Variants in GAS2 observed in about 807,000 individuals in gnomAD.
GAS2 encodes the protein growth arrest specific 2.
In GAS2, 20 loss-of-function variants were observed where a neutral mutation model predicts 37.5. The ratio of observed to expected loss-of-function variants is 0.53; its 90% confidence interval spans 0.37 to 0.77. The LOEUF (loss-of-function observed/expected upper bound fraction) is 0.77, where lower values mean the gene tolerates loss of function less well. Ranked by LOEUF, GAS2 falls within the 30% of genes least tolerant of loss-of-function variation. GAS2 has a pLI of 0.00. For missense variants in GAS2, 336 were observed against 373.4 expected (o/e 0.90, Z 0.82); for synonymous variants, 144 against 132.2 (o/e 1.09, Z -0.61).
rs537386909 is a variant in GAS2, at chr11:22,709,830, G to A, written c.268-16462G>A. 2.2e-4 allele frequency among the ~76,000 whole-genome samples: 33 copies of A among 152,066 alleles called. 1 individual carries two copies. The highest frequency in any genetic ancestry group is 5.8e-4 in the East Asian group (3 of 5,174). ...TATACACCATGGAATACTATGCAGC[G>A]GTAAAAAATGATGAGTTCATGTCCT... On this transcript the variant is annotated intron_variant, in intron 3 of 7. Transcript: ENST00000454584.
At chr11:22,726,152 T>C in intron 3 of GAS2, 140 bp from the exon 4 acceptor site, 1 of 747,652 alleles carries the variant, frequency 1.3e-6, no homozygotes, top group Non-Finnish European at 2.1e-6. Flanking sequence ...CATAGCATTA[T>C]ATTTCCTTTC....
intron 3 of GAS2, among the ~76,000 whole-genome samples, chr11:22,698,423 C>T (rs531777251): frequency 2.6e-5 from 4 of 151,992 alleles, no homozygotes; most frequent in East Asian, 3.9e-4. Flanking sequence ...GATTCACAGC[C>T]GAATTCTACC....
At chr11:22,642,752 T>TA (rs974547238) in intron 1 of GAS2, among the ~76,000 whole-genome samples, 5 of 152,090 alleles carry the variant, frequency 3.3e-5, no homozygotes, top group South Asian at 2.1e-4. Context: ...TTCTATCCAC[T>TA]AAAAAAAATG....
chr11:22,715,075 A>T (rs1204000409), intron 3 of GAS2, among the ~76,000 whole-genome samples: 4 of 152,194 alleles, frequency 2.6e-5, no homozygotes, highest in African/African-American at 4.8e-5. Context: ...TGAAACAAAA[A>T]GCTTGTTCTT....
intron 7 of GAS2, among the ~76,000 whole-genome samples, chr11:22,803,087 C>T (rs557036636): frequency 6.6e-6 from 1 of 152,060 alleles, no homozygotes; most frequent in South Asian, 2.1e-4. Context: ...ACGTGTTGCA[C>T]AACCATTCCT....
rs1848840981 is a variant in GAS2 at position 22,655,149 on chromosome 11, C to T, written c.-20-19701C>T. On this transcript the variant is annotated intron_variant, in intron 1 of 5. Transcript: ENST00000528582. Reference sequence around the variant, plus strand: ...TCCTTTTCTGAAGACTGTACATTTTCAGGCCTCTGGGCTAGGGCTCAATCA... The same window carrying T: ...TCCTTTTCTGAAGACTGTACATTTTTAGGCCTCTGGGCTAGGGCTCAATCA... Among the ~76,000 whole-genome samples the T allele has an allele frequency of 2.0e-5, 3 of 152,280 alleles. No individual in the cohort carries two copies. In the South Asian group the frequency reaches 6.2e-4, roughly 32 times the overall value.
intron 1 of GAS2, among the ~76,000 whole-genome samples, chr11:22,653,005 T>TTCTTTCTTTCTTTCTTTC (rs1565067504): frequency 3.5e-5 from 3 of 86,596 alleles, no homozygotes; most frequent in Non-Finnish European, 6.3e-5. Context: ...CTTTCTTTCT[T>TTCTTTCTTTCTTTCTTTC]TCTTTCTTTC....
At chr11:22,807,754 T>A (rs1590153943) in intron 7 of GAS2, among the ~76,000 whole-genome samples, 1 of 152,326 alleles carries the variant, frequency 6.6e-6, no homozygotes, top group East Asian at 1.9e-4. Flanking sequence ...TAGGGGTTTA[T>A]ATAGCAGAGA....
chr11:22,811,825 C>T lies in GAS2; in HGVS notation c.751C>T (p.Arg251Cys), dbSNP rs755673719. Residue 251 changes from arginine (R) to cysteine (C), a missense_variant, in exon 8 of 8, where the codon CGT becomes TGT. Transcript: ENST00000454584. ...GCTGCACAACAAACATGTCATGGTC[C>T]GTGTGGGAGGAGGCTGGGAAACTTT... is the stretch of plus-strand genomic sequence containing the variant. ...RMLHNKHVMV[R>C]VGGGWETFAG... 41 of 1,613,986 alleles carry T rather than the reference C, an allele frequency of 2.5e-5. No individual in the cohort carries two copies. The highest frequency in any genetic ancestry group is 4.5e-5 in the East Asian group (2 of 44,882).
upstream of GAS2, among the ~76,000 whole-genome samples, chr11:22,663,146 C>T (rs1848933810): frequency 1.3e-5 from 2 of 152,094 alleles, no homozygotes; most frequent in Non-Finnish European, 2.9e-5. Flanking sequence ...ACCATTAGGT[C>T]TTGTGAGAAC....
intron 7 of GAS2, among the ~76,000 whole-genome samples, chr11:22,774,621 T>C (rs540172837): frequency 6.6e-6 from 1 of 152,380 alleles, no homozygotes; most frequent in Non-Finnish European, 1.5e-5. Flanking sequence ...GTATTTGGTA[T>C]GTTGACTTTA....
chr11:22,627,542 G>A (rs1470520331), intron 1 of GAS2, among the ~76,000 whole-genome samples: 2 of 152,194 alleles, frequency 1.3e-5, no homozygotes, highest in African/African-American at 4.8e-5. Context: ...GGCCAGGCGG[G>A]TGGATTACCT....
rs1452328152 is a variant in GAS2, at chr11:22,730,356, A to G, written c.409+3923A>G. 2.6e-5 allele frequency among the ~76,000 whole-genome samples: 4 copies of G among 151,830 alleles called. No individual in the cohort carries two copies. In the Admixed American group the frequency reaches 2.6e-4, roughly 10 times the overall value. The stretch of plus-strand genomic sequence containing the variant: ...CCAATTAGCCTAGATATTTATTGAC[A>G]TAAAATTTTATACATCAGTATATTA... On this transcript the variant is annotated intron_variant, in intron 4 of 7. Coordinates refer to ENST00000454584, the MANE Select transcript of GAS2 (RefSeq NM_001143830.3).
At chr11:22,687,695 T>C (rs1426298609) in intron 3 of GAS2, among the ~76,000 whole-genome samples, 1 of 152,230 alleles carries the variant, frequency 6.6e-6, no homozygotes, top group African/African-American at 2.4e-5. Flanking sequence ...CAATTTTTCT[T>C]CTGCTCTCAT....
At chr11:22,643,261 G>C (rs941596604) in intron 1 of GAS2, among the ~76,000 whole-genome samples, 1 of 151,876 alleles carries the variant, frequency 6.6e-6, no homozygotes, top group Non-Finnish European at 1.5e-5. Context: ...ATATAAAAAA[G>C]GAAGAATTTA....
intron 1 of GAS2, among the ~76,000 whole-genome samples, chr11:22,637,284 CTAATAT>C (rs1858842246): frequency 1.2e-5 from 1 of 80,192 alleles, no homozygotes. Context: ...TAATAGTATA[CTAATAT>C]AATATTAATT....
rs78714218 is a variant in GAS2 at position 22,773,956 on chromosome 11, C to T, written c.723+18003C>T. On this transcript the variant is annotated intron_variant, in intron 7 of 7. Transcript: ENST00000454584. ...CTGGCATGCACTTCCTAGACATTCC[C>T]AGTTAAATACATCAGAGCTCCGTTT... 2.5e-3 allele frequency among the ~76,000 whole-genome samples: 379 copies of T among 152,226 alleles called. 3 individuals carry two copies. The highest frequency in any genetic ancestry group is 8.9e-3 in the African/African-American group (370 of 41,522).
At chr11:22,720,833 A>G (rs1381029443) in intron 3 of GAS2, among the ~76,000 whole-genome samples, 1 of 152,110 alleles carries the variant, frequency 6.6e-6, no homozygotes, top group East Asian at 1.9e-4. Flanking sequence ...AGTTCGCACA[A>G]TGCAAGGGAA....
chr11:22,807,572 A>G (rs147034444), intron 7 of GAS2, among the ~76,000 whole-genome samples: 67 of 152,346 alleles, frequency 4.4e-4, no homozygotes, highest in African/African-American at 1.6e-3. Flanking sequence ...CTACAGAACA[A>G]CAGTCAAAGG....
Sources: allele counts gnomAD v4.1 joint callset (sites outside exome capture counted in the v4.1 genomes callset), GRCh38; gene constraint gnomAD v4.1.1; transcripts MANE v1.5; gene names NCBI Gene and HGNC (gene_info 2026-07-23, HGNC 2026-07-21).